Variants in LRSAM1 observed in about 807,000 individuals in gnomAD.
LRSAM1 encodes leucine rich repeat and sterile alpha motif containing 1.
LRSAM1 carries 96 observed loss-of-function variants against 118.1 expected under a neutral mutation model. The observed-to-expected ratio is 0.81, with a 90% CI of 0.69 to 0.96. The LOEUF (loss-of-function observed/expected upper bound fraction) is 0.96. Among genes scored for constraint, LRSAM1 ranks in the 40% least tolerant of loss-of-function variants. LRSAM1 has a pLI of 0.00. For synonymous variants in LRSAM1, 322 were observed against 364.2 expected, an observed-to-expected ratio of 0.88 and a Z score of 1.32; for missense variants, 804 against 915.5, an observed-to-expected ratio of 0.88 and a Z score of 1.57.
chr9:127,482,984 G>T lies in LRSAM1; in HGVS notation c.1123G>T (p.Glu375Ter). 1 of 1,579,172 alleles carries T rather than the reference G, an allele frequency of 6.3e-7. No individual in the cohort carries two copies. The highest frequency in any genetic ancestry group is 2.3e-5 in the East Asian group (1 of 43,258). The change falls in exon 16 of 26, where the codon GAG becomes TAG. Residue 375 changes from glutamate to a stop codon, truncating the protein, a stop_gained. Transcript: ENST00000300417. LOFTEE classifies it high-confidence loss of function. ...RMEQLMSITQ[E>*]ETESLRRRDV... ...GGAACAGTTGATGTCCATAACCCAG[G>T]AGGAGACTGAGAGCCTGCGGCGACG...
At chr9:127,491,349 G>C in intron 20 of LRSAM1, 54 bp downstream of exon 20, 1 of 1,434,472 alleles carries the variant, frequency 7.0e-7, no homozygotes, top group East Asian at 2.3e-5. Context: ...CCCCCACCTG[G>C]TGCTCCCTCC....
At chr9:127,490,091 G>T (rs1271806127) in intron 19 of LRSAM1, among the ~76,000 whole-genome samples, 3 of 151,582 alleles carry the variant, frequency 2.0e-5, no homozygotes, top group African/African-American at 7.3e-5. Flanking sequence ...TGACCTTCAA[G>T]CCTTGGGCAA....
intron 16 of LRSAM1, 52 bp downstream of exon 16, chr9:127,483,072 G>C (rs745956191): frequency 6.4e-7 from 1 of 1,568,574 alleles, no homozygotes; most frequent in South Asian, 1.1e-5. Context: ...GGCTGGGCTG[G>C]CAGGGTGGAT....
chr9:127,495,247 C>T (rs768076141), intron 21 of LRSAM1, 73 bp from the exon 22 acceptor site: 22 of 1,450,496 alleles, frequency 1.5e-5, no homozygotes, highest in Non-Finnish European at 2.1e-5. Context: ...GCCACCGCGC[C>T]TGGCAACCAT....
At chr9:127,488,842 C>T (rs1297704580) in intron 18 of LRSAM1, among the ~76,000 whole-genome samples, 2 of 152,050 alleles carry the variant, frequency 1.3e-5, no homozygotes, top group East Asian at 1.9e-4. Flanking sequence ...CCTCCTGCCT[C>T]GGCCTCCCAG....
At chr9:127,474,035 C>G (rs1057185843) in intron 11 of LRSAM1, 104 bp downstream of exon 11, 1 of 1,543,590 alleles carries the variant, frequency 6.5e-7, no homozygotes, top group African/African-American at 1.4e-5. Flanking sequence ...TTCAGAGCTG[C>G]AGCTCCCAGA....
intron 21 of LRSAM1, among the ~76,000 whole-genome samples, chr9:127,494,693 C>T (rs1354382091): frequency 1.3e-5 from 2 of 152,090 alleles, no homozygotes; most frequent in Non-Finnish European, 2.9e-5. Context: ...CCTGTAATCC[C>T]AGCACTTTGG....
At chr9:127,500,902 C>G (rs760224025) in intron 24 of LRSAM1, 108 bp from the exon 25 acceptor site, 25 of 1,498,502 alleles carry the variant, frequency 1.7e-5, no homozygotes, top group Non-Finnish European at 2.3e-5. Flanking sequence ...GAGGCTCCCC[C>G]ACCCTCCAGC....
chr9:127,460,984 T>A (rs1381619511), intron 7 of LRSAM1, among the ~76,000 whole-genome samples, 189 bp from the exon 8 acceptor site: 1 of 149,756 alleles, frequency 6.7e-6, no homozygotes, highest in African/African-American at 2.5e-5. Context: ...GCCTCCCGAG[T>A]AGCTGGGACT....
At chr9:127,491,537 G>T (rs1564279312) in intron 20 of LRSAM1, among the ~76,000 whole-genome samples, 1 of 152,202 alleles carries the variant, frequency 6.6e-6, no homozygotes, top group Non-Finnish European at 1.5e-5. Flanking sequence ...GAGGAAGGAG[G>T]GTTTCATTGC....
intron 10 of LRSAM1, among the ~76,000 whole-genome samples, chr9:127,469,685 C>G (rs1321122442): frequency 6.6e-6 from 1 of 151,526 alleles, no homozygotes; most frequent in Admixed American, 6.6e-5. Flanking sequence ...AAAAATAGGC[C>G]GGGCGCGGTG....
chr9:127,453,143 A>G (rs370413860), intron 2 of LRSAM1, among the ~76,000 whole-genome samples: 24 of 152,290 alleles, frequency 1.6e-4, no homozygotes, highest in African/African-American at 5.5e-4. Context: ...GTGCAGTGGC[A>G]TGATCTTGGC....
At chr9:127,481,105 C>A in intron 14 of LRSAM1, 78 bp from the exon 15 acceptor site, 1 of 1,533,108 alleles carries the variant, frequency 6.5e-7, no homozygotes, top group Non-Finnish European at 9.0e-7. Context: ...TTCCTAAGCC[C>A]CTCTGCACAG....
At chr9:127,489,784 GAGGCTGGTGC>G (rs1371148432) in intron 19 of LRSAM1, among the ~76,000 whole-genome samples, 1 of 152,242 alleles carries the variant, frequency 6.6e-6, no homozygotes, top group Non-Finnish European at 1.5e-5. Flanking sequence ...CTGGGCCAGG[GAGGCTGGTGC>G]TGATGTGTGG....
intron 9 of LRSAM1, 94 bp from the exon 10 acceptor site, chr9:127,467,646 A>C (rs1244690408): frequency 3.3e-5 from 39 of 1,184,026 alleles, no homozygotes; most frequent in Non-Finnish European, 4.5e-5. Flanking sequence ...TGCTGGGTAG[A>C]GGTGACAGAG....
chr9:127,458,884 C>T (rs1834627847), intron 6 of LRSAM1, 119 bp from the exon 7 acceptor site: 6 of 872,028 alleles, frequency 6.9e-6, no homozygotes, highest in Admixed American at 3.6e-5. Flanking sequence ...AAAGGAGTGG[C>T]AGGCACTCTG....
At chr9:127,462,485 T>A in intron 9 of LRSAM1, 112 bp downstream of exon 9, 2 of 1,550,912 alleles carry the variant, frequency 1.3e-6, no homozygotes, top group Non-Finnish European at 1.8e-6. Flanking sequence ...CACACAGAGA[T>A]CCCAAGGCAT....
At position 127,499,923 on chromosome 9, in the gene LRSAM1, C is replaced by CA. The variant is rs1214067775; in HGVS notation, c.1913-1076dup. On this transcript the variant is annotated intron_variant, in intron 24 of 25. Coordinates refer to ENST00000300417, the MANE Select transcript of LRSAM1 (RefSeq NM_001005373.4). Reference sequence around the variant, plus strand: ...GCCTGGCAAGAGTGAGACTCCATCTCAAAAAAAAAAAGAAAAACTTTAGTT... The same window carrying CA: ...GCCTGGCAAGAGTGAGACTCCATCTCAAAAAAAAAAAAGAAAAACTTTAGTT... Among the ~76,000 whole-genome samples the CA allele has an allele frequency of 2.2e-3, 259 of 120,430 alleles. 2 individuals carry two copies. Among genetic ancestry groups the CA allele is most frequent in the Non-Finnish European group, 3.4e-3 (192 of 56,258 alleles). The allele number at this position is 120,430 out of a possible 152,430, so 79.0% of individuals were successfully genotyped here. A position where few individuals can be genotyped will look rare whatever the true frequency, so the allele number is the denominator to read the frequency against.
At chr9:127,489,324 T>A in intron 18 of LRSAM1, 120 bp from the exon 19 acceptor site, 1 of 1,175,506 alleles carries the variant, frequency 8.5e-7, no homozygotes, top group South Asian at 1.3e-5. Context: ...CTTCTCCCTC[T>A]CTCAGAAAAA....
Sources: gnomAD v4.1 joint callset for allele counts (sites outside exome capture counted in the v4.1 genomes callset) on GRCh38, gnomAD v4.1.1 for gene constraint, MANE v1.5 for transcripts, NCBI Gene and HGNC (gene_info 2026-07-23, HGNC 2026-07-21) for gene names.